ABTB3: variants seen among roughly 807,000 people sequenced by gnomAD.
ABTB3 encodes ankyrin repeat and BTB domain containing 3, also known as ankyrin repeat- and BTB/POZ domain-containing protein 3.
the ABTB3 span, among the ~76,000 whole-genome samples, chr12:107,644,216 C>G: frequency 6.6e-6 from 1 of 152,202 alleles, no homozygotes; most frequent in Non-Finnish European, 1.5e-5. Context: ...GAATACCCTT[C>G]CTAAATGGGA....
At chr12:107,337,725 A>AC in the ABTB3 span, among the ~76,000 whole-genome samples, 1 of 152,240 alleles carries the variant, frequency 6.6e-6, no homozygotes, top group Non-Finnish European at 1.5e-5. Flanking sequence ...ACAGTGTGAC[A>AC]CGTTGAAAGT....
At chr12:107,575,055 A>G in the ABTB3 span, among the ~76,000 whole-genome samples, 1 of 152,234 alleles carries the variant, frequency 6.6e-6, no homozygotes, top group South Asian at 2.1e-4. Flanking sequence ...AATATGGTCT[A>G]CTATCAATTT....
chr12:107,494,493 T>C, the ABTB3 span, among the ~76,000 whole-genome samples: 2 of 151,974 alleles, frequency 1.3e-5, no homozygotes, highest in Non-Finnish European at 2.9e-5. Flanking sequence ...TGGCCCAGGG[T>C]AGAAGGCCTC....
chr12:107,634,244 C>T, the ABTB3 span, among the ~76,000 whole-genome samples: 3 of 152,180 alleles, frequency 2.0e-5, no homozygotes, highest in Non-Finnish European at 4.4e-5. Flanking sequence ...TCACTAGTGG[C>T]CCCAAACCCA....
chr12:107,512,383 T>C, the ABTB3 span, among the ~76,000 whole-genome samples: 1 of 152,226 alleles, frequency 6.6e-6, no homozygotes, highest in African/African-American at 2.4e-5. Context: ...AAGAAACACA[T>C]CTATGCTATG....
chr12:107,530,634 A>T, the ABTB3 span, among the ~76,000 whole-genome samples: 2 of 152,200 alleles, frequency 1.3e-5, no homozygotes, highest in Non-Finnish European at 2.9e-5. Flanking sequence ...TAACATTTTA[A>T]TATGAGGATT....
the ABTB3 span, among the ~76,000 whole-genome samples, chr12:107,345,434 T>C: frequency 6.6e-6 from 1 of 151,508 alleles, no homozygotes; most frequent in African/African-American, 2.4e-5. Context: ...AAAATGGGTG[T>C]GGTATCTTTG....
chr12:107,329,828 C>G, the ABTB3 span, among the ~76,000 whole-genome samples: 23 of 152,318 alleles, frequency 1.5e-4, no homozygotes, highest in Non-Finnish European at 2.6e-4. Flanking sequence ...AAATGTTGAG[C>G]AACACAGTCC....
the ABTB3 span, among the ~76,000 whole-genome samples, chr12:107,355,679 C>T: frequency 6.6e-6 from 1 of 152,086 alleles, no homozygotes; most frequent in Non-Finnish European, 1.5e-5. Context: ...TATCAGAACC[C>T]ATGAAACAGA....
chr12:107,415,105 G>A, the ABTB3 span, among the ~76,000 whole-genome samples: 6 of 152,092 alleles, frequency 3.9e-5, no homozygotes, highest in Non-Finnish European at 5.9e-5. Flanking sequence ...GGACACGCAC[G>A]ATCTGTTTCC....
At chr12:107,477,322 G>A in the ABTB3 span, among the ~76,000 whole-genome samples, 19 of 152,136 alleles carry the variant, frequency 1.2e-4, no homozygotes, top group Non-Finnish European at 2.5e-4. Flanking sequence ...AACAAAAGGC[G>A]GACTACCACC....
the ABTB3 span, among the ~76,000 whole-genome samples, chr12:107,503,740 G>A: frequency 9.5e-6 from 1 of 104,792 alleles, no homozygotes; most frequent in Admixed American, 1.3e-4. Context: ...CTGGGTGATA[G>A]AGCAAGACCC....
chr12:107,341,954 C>G, the ABTB3 span, among the ~76,000 whole-genome samples: 1 of 152,168 alleles, frequency 6.6e-6, no homozygotes, highest in African/African-American at 2.4e-5. Context: ...GAGGCCTCCC[C>G]AGAAGCCAAG....
At chr12:107,581,115 C>T in the ABTB3 span, 1 of 1,546,694 alleles carries the variant, frequency 6.5e-7, no homozygotes, top group Non-Finnish European at 8.7e-7. Context: ...CCGGGGAGGC[C>T]CTAACGCGCG....
At chr12:107,535,693 A>G in the ABTB3 span, among the ~76,000 whole-genome samples, 5 of 152,308 alleles carry the variant, frequency 3.3e-5, no homozygotes, top group African/African-American at 9.6e-5. Context: ...TTGCCTAGGG[A>G]TAAATTTAAC....
At chr12:107,625,613 G>A in the ABTB3 span, among the ~76,000 whole-genome samples, 1 of 152,112 alleles carries the variant, frequency 6.6e-6, no homozygotes. Flanking sequence ...AGTCTTCTCT[G>A]ACATGTGGTG....
the ABTB3 span, among the ~76,000 whole-genome samples, chr12:107,541,015 G>A: frequency 6.6e-6 from 1 of 151,988 alleles, no homozygotes. Context: ...TAGCTGCTTG[G>A]AATCTTGTCT....
chr12:107,472,959 A>G, the ABTB3 span, among the ~76,000 whole-genome samples: 1 of 152,208 alleles, frequency 6.6e-6, no homozygotes, highest in Non-Finnish European at 1.5e-5. Flanking sequence ...ACCAGGCGAC[A>G]GAAGCTGTAC....
chr12:107,471,667 G>T, the ABTB3 span, among the ~76,000 whole-genome samples: 1 of 152,082 alleles, frequency 6.6e-6, no homozygotes, highest in East Asian at 1.9e-4. Flanking sequence ...GGCATCCCTG[G>T]CAAGAGACAC....
Sources: gnomAD v4.1 joint callset for allele counts (sites outside exome capture counted in the v4.1 genomes callset) on GRCh38, gnomAD v4.1.1 for gene constraint, MANE v1.5 for transcripts, NCBI Gene and HGNC (gene_info 2026-07-23, HGNC 2026-07-21) for gene names.